The following STAG2 variants were observed in gnomAD, a reference collection of about 807,000 sequenced individuals.
The protein encoded by STAG2 is STAG2 cohesin complex component.
STAG2 carries 14 observed loss-of-function variants against 108.1 expected under a neutral mutation model. That is an observed-to-expected ratio of 0.13 (90% CI 0.09 to 0.20). STAG2 has a LOEUF of 0.20. STAG2 is among the 10% of genes least tolerant of loss of function. STAG2 has a pLI of 1.00. For synonymous variants in STAG2, 307 were observed against 302.7 expected (o/e 1.01, Z -0.15); for missense variants, 440 against 940.9 (o/e 0.47, Z 6.96).
At chrX:123,987,520 T>C (rs2055253414) in intron 1 of STAG2, among the ~76,000 whole-genome samples, 1 of 111,393 alleles carries the variant, frequency 9.0e-6, no homozygotes, top group Non-Finnish European at 1.9e-5. Flanking sequence ...AGTGCTGAGA[T>C]TACAGGCGTG....
intron 6 of STAG2, among the ~76,000 whole-genome samples, chrX:124,042,050 G>A (rs2148152974): frequency 9.0e-6 from 1 of 111,050 alleles, no homozygotes; most frequent in East Asian, 2.8e-4. Flanking sequence ...AGGCGTCTAG[G>A]TGGGCAGGAA....
chrX:124,040,789 T>A lies in STAG2; in HGVS notation c.386-1780T>A, dbSNP rs376113652. On this transcript the variant is annotated intron_variant, in intron 6 of 34. Coordinates refer to ENST00000371145, the MANE Select transcript of STAG2 (RefSeq NM_001042750.2). ...GAAGATTTTGAAGAGAGATACGTGA[T>A]TCTAGATTAAAAACAAAAGCCTTTC... is the stretch of plus-strand genomic sequence containing the variant. 5.5e-5 allele frequency among the ~76,000 whole-genome samples: 6 copies of A among 108,450 alleles called. No individual in the cohort carries two copies. The East Asian group carries it at 1.7e-3, about 31-fold the overall frequency. 94.2% of individuals were successfully genotyped at this position (108,450 alleles called of 115,157 possible). A position where few individuals can be genotyped will look rare whatever the true frequency, so the allele number is the denominator to read the frequency against.
intron 1 of STAG2, among the ~76,000 whole-genome samples, chrX:124,005,029 T>C (rs1383907325): frequency 8.9e-6 from 1 of 112,370 alleles, no homozygotes; most frequent in African/African-American, 3.2e-5. Flanking sequence ...AATGGCATAG[T>C]GTTTTCACAT....
chrX:124,031,404 G>T (rs2057328243), intron 5 of STAG2, among the ~76,000 whole-genome samples: 1 of 107,638 alleles, frequency 9.3e-6, no homozygotes, highest in African/African-American at 3.4e-5. Context: ...CTGTTGCCCA[G>T]GCTGGAGTAC....
intron 1 of STAG2, among the ~76,000 whole-genome samples, chrX:123,978,967 G>T (rs1409277829): frequency 9.0e-6 from 1 of 111,583 alleles, no homozygotes; most frequent in Non-Finnish European, 1.9e-5. Context: ...CCCCCAGATA[G>T]CTCAGTAATT....
intron 1 of STAG2, among the ~76,000 whole-genome samples, chrX:123,985,562 T>C (rs1430153299): frequency 9.1e-6 from 1 of 110,259 alleles, no homozygotes; most frequent in South Asian, 3.8e-4. Context: ...AGGGAGGTCT[T>C]ATGGTATTTT....
chrX:124,077,968 C>T lies in STAG2; in HGVS notation c.2685C>T (p.Asp895=), dbSNP rs200047549. 1 of 1,159,080 alleles carries T rather than the reference C, an allele frequency of 8.6e-7. No homozygotes were observed. Among genetic ancestry groups the T allele is most frequent in the East Asian group, 3.0e-5 (1 of 32,791 alleles). Reference sequence around the variant, plus strand: ...AAATTTCTTTATAGTATTATAATGACTATGGAGATATCATCAAAGAAACAA... The same window carrying T: ...AAATTTCTTTATAGTATTATAATGATTATGGAGATATCATCAAAGAAACAA... ...IFKQYMKYYN[D]YGDIIKETMS... The change falls in exon 27 of 35, where the codon GAC becomes GAT. Residue 895 remains aspartate (D), a synonymous_variant. Transcript: ENST00000371145.
At chrX:124,018,563 TG>T (rs1306428203) in intron 1 of STAG2, among the ~76,000 whole-genome samples, 1 of 110,655 alleles carries the variant, frequency 9.0e-6, no homozygotes. Context: ...TGCAATGGTG[TG>T]ATCATGGCTC....
chrX:124,041,563 A>G (rs1223684673), intron 6 of STAG2, among the ~76,000 whole-genome samples: 1 of 111,225 alleles, frequency 9.0e-6, no homozygotes, highest in Non-Finnish European at 1.9e-5. Context: ...ATATTACTAT[A>G]TTTATGGTAT....
Position 124,051,118 on chromosome X carries a change from T to TTA in STAG2, c.1018-3_1018-2insTA, listed in dbSNP as rs2058027838. ...TCTCATCTTTTTTTTTTTTTTTTTT[T>TTA]AGCAAGGTGAAGTAAGACTCAAATG... On this transcript the variant is annotated splice_region_variant and splice_polypyrimidine_tract_variant and intron_variant, in intron 11 of 34. Transcript: ENST00000371145. 1 of 925,741 alleles carries TTA rather than the reference T, an allele frequency of 1.1e-6. No individual in the cohort carries two copies. Among genetic ancestry groups the TTA allele is most frequent in the Non-Finnish European group, 1.5e-6 (1 of 689,365 alleles). The allele number at this position is 925,741 out of a possible 1,213,427, so 76.3% of individuals were successfully genotyped here.
Position 124,059,457 on chromosome X carries a change from A to G in STAG2, c.1416+1480A>G, listed in dbSNP as rs181500836. On this transcript the variant is annotated intron_variant, in intron 15 of 34. Transcript: ENST00000371145. ...TTCCCTTTTATTCTTTTCTTTGCTG[A>G]AAGTTTCTAACATGAATGGAAATTG... Among the ~76,000 whole-genome samples, 280 of 112,002 alleles carry G rather than the reference A, an allele frequency of 2.5e-3. 1 individual carries two copies. The highest frequency in any genetic ancestry group is 8.4e-3 in the African/African-American group (259 of 30,879).
At chrX:123,984,204 C>T (rs2055046352) in intron 1 of STAG2, among the ~76,000 whole-genome samples, 1 of 109,152 alleles carries the variant, frequency 9.2e-6, no homozygotes, top group African/African-American at 3.4e-5. Context: ...TCCCGAACTC[C>T]CAACCTCAGG....
chrX:124,084,332 C>G (rs1054358745), intron 29 of STAG2, among the ~76,000 whole-genome samples: 1 of 109,832 alleles, frequency 9.1e-6, no homozygotes, highest in African/African-American at 3.3e-5. Context: ...TACTAGAGTT[C>G]TGTATCTTTT....
At chrX:124,031,373 T>A (rs1365376743) in intron 5 of STAG2, among the ~76,000 whole-genome samples, 2 of 109,310 alleles carry the variant, frequency 1.8e-5, no homozygotes, top group Admixed American at 9.8e-5. Flanking sequence ...ATTTTATTTT[T>A]TTTTGAGACA....
chrX:124,041,143 A>C (rs1300905358), intron 6 of STAG2, among the ~76,000 whole-genome samples: 1 of 108,245 alleles, frequency 9.2e-6, no homozygotes, highest in Non-Finnish European at 1.9e-5. Context: ...GAGCCACCGC[A>C]CCCGGCCAAG....
chrX:124,056,622 A>G (rs1228018105), intron 14 of STAG2, among the ~76,000 whole-genome samples: 2 of 105,243 alleles, frequency 1.9e-5, no homozygotes, highest in Admixed American at 2.1e-4. Context: ...AGTCCCAGCT[A>G]CTCGGGAGGC....
intron 1 of STAG2, among the ~76,000 whole-genome samples, chrX:123,982,206 A>G (rs1390779781): frequency 9.3e-6 from 1 of 107,331 alleles, no homozygotes; most frequent in Non-Finnish European, 1.9e-5. Context: ...CCATAGTGGC[A>G]TGTACCCACA....
intron 1 of STAG2, among the ~76,000 whole-genome samples, chrX:123,965,009 A>C (rs1055451403): frequency 3.0e-5 from 1 of 33,387 alleles, no homozygotes; most frequent in Non-Finnish European, 5.9e-5. Context: ...TGTCAGGTTT[A>C]TTTTTTTCCC....
chrX:124,052,108 C>A (rs1366471627), intron 13 of STAG2, among the ~76,000 whole-genome samples: 2 of 111,985 alleles, frequency 1.8e-5, no homozygotes, highest in African/African-American at 6.5e-5. Context: ...GAATTTAAGA[C>A]CTATTCTGTG....
Sources: allele counts gnomAD v4.1 joint callset (sites outside exome capture counted in the v4.1 genomes callset), GRCh38; gene constraint gnomAD v4.1.1; transcripts MANE v1.5; gene names NCBI Gene and HGNC (gene_info 2026-07-23, HGNC 2026-07-21).